The following BMPR1B variants were observed in gnomAD, a reference collection of about 807,000 sequenced individuals.
BMPR1B encodes the protein bone morphogenetic protein receptor type-1B.
BMPR1B carries 12 observed loss-of-function variants against 59.1 expected under a neutral mutation model. That is an observed-to-expected ratio of 0.20 (90% confidence interval 0.13 to 0.33). BMPR1B has a LOEUF of 0.33. Among genes scored for constraint, BMPR1B ranks in the 10% least tolerant of loss-of-function variants. BMPR1B has a pLI of 1.00. For synonymous variants in BMPR1B, 237 were observed against 207.3 expected (o/e 1.14, Z -1.23); for missense variants, 550 against 610.9 (o/e 0.90, Z 1.05).
At chr4:94,874,685 C>T (rs894550260) in intron 1 of BMPR1B, among the ~76,000 whole-genome samples, 1 of 151,962 alleles carries the variant, frequency 6.6e-6, no homozygotes, top group Non-Finnish European at 1.5e-5. Flanking sequence ...TATATATTTA[C>T]TCTTAAAATC....
Position 95,026,098 on chromosome 4 carries a change from A to C in BMPR1B, c.-18+29964A>C, listed in dbSNP as rs62316237. ...TTGGCTGGCTGGATTGCTTTCTTTC[A>C]TTTCTTTCTTTCTTTCTTTCTTTCT... On this transcript the variant is annotated intron_variant, in intron 3 of 12. Coordinates refer to ENST00000515059, the MANE Select transcript of BMPR1B (RefSeq NM_001203.3). Among the ~76,000 whole-genome samples the C allele has an allele frequency of 4.2e-3, 432 of 101,718 alleles. 10 individuals carry two copies. In the East Asian group the frequency reaches 0.078, roughly 18 times the overall value. 66.7% of individuals were successfully genotyped at this position (101,718 alleles called of 152,430 possible).
At chr4:94,766,407 CTTTTTTTTT>C (rs33979041) in intron 1 of BMPR1B, among the ~76,000 whole-genome samples, 1 of 133,174 alleles carries the variant, frequency 7.5e-6, no homozygotes, top group Non-Finnish European at 1.6e-5. Flanking sequence ...CGGCTCCTGT[CTTTTTTTTT>C]TTTTTTTTTA....
intron 1 of BMPR1B, among the ~76,000 whole-genome samples, chr4:94,842,970 C>T (rs1000584429): frequency 1.3e-5 from 2 of 151,922 alleles, no homozygotes; most frequent in Non-Finnish European, 2.9e-5. Flanking sequence ...CTGTTTAATA[C>T]CCAGATTTCA....
chr4:94,981,550 C>T (rs1721085596), intron 2 of BMPR1B, among the ~76,000 whole-genome samples: 1 of 152,140 alleles, frequency 6.6e-6, no homozygotes, highest in Non-Finnish European at 1.5e-5. Context: ...TGAAATGTGA[C>T]CAGTACTTCA....
intron 4 of BMPR1B, among the ~76,000 whole-genome samples, chr4:95,106,447 G>A (rs377141468): frequency 1.3e-4 from 20 of 152,162 alleles, no homozygotes; most frequent in African/African-American, 4.8e-4. Flanking sequence ...AGCTAGGGTG[G>A]TGCTGGTGTA....
chr4:95,094,239 A>C (rs1054846504), intron 3 of BMPR1B, among the ~76,000 whole-genome samples: 2 of 152,148 alleles, frequency 1.3e-5, no homozygotes, highest in Non-Finnish European at 2.9e-5. Context: ...GAGATGAAAG[A>C]AAATAAGAAT....
chr4:95,086,386 T>G (rs1427096), intron 3 of BMPR1B, among the ~76,000 whole-genome samples: 152,258 of 152,326 alleles, frequency 1, 76,095 homozygotes, highest in Middle Eastern at 1. Flanking sequence ...ATATGTAATG[T>G]TTTTCTTAAG....
chr4:95,061,389 T>G (rs905173476), intron 3 of BMPR1B, among the ~76,000 whole-genome samples: 1 of 152,190 alleles, frequency 6.6e-6, no homozygotes, highest in African/African-American at 2.4e-5. Context: ...TGCAGCTGTC[T>G]CTAATGTACT....
chr4:94,814,566 A>T (rs1306313365), intron 1 of BMPR1B, among the ~76,000 whole-genome samples: 2 of 152,152 alleles, frequency 1.3e-5, no homozygotes, highest in Non-Finnish European at 2.9e-5. Context: ...TTTCCTTATT[A>T]GTTAACTAGA....
At chr4:95,114,855 A>G (rs770220808) in intron 5 of BMPR1B, 33 bp downstream of exon 5, 17 of 1,535,948 alleles carry the variant, frequency 1.1e-5, no homozygotes, top group East Asian at 4.5e-5. Flanking sequence ...GTAACCTTTC[A>G]TTGGCTAGAT....
chr4:94,988,203 A>G (rs1032664613), intron 2 of BMPR1B, among the ~76,000 whole-genome samples: 8 of 152,228 alleles, frequency 5.3e-5, no homozygotes, highest in Non-Finnish European at 8.8e-5. Flanking sequence ...CCTTCATGTC[A>G]TATAAATATA....
chr4:94,794,620 C>T (rs62316537), intron 1 of BMPR1B, among the ~76,000 whole-genome samples: 33,403 of 128,120 alleles, frequency 0.26, 4,857 homozygotes, highest in African/African-American at 0.37. Context: ...AGTATGGCCA[C>T]TTTCACGATA....
At chr4:94,896,811 C>A (rs1358528433) in intron 2 of BMPR1B, among the ~76,000 whole-genome samples, 2 of 151,868 alleles carry the variant, frequency 1.3e-5, no homozygotes, top group Non-Finnish European at 2.9e-5. Flanking sequence ...CAAAGTAAGA[C>A]CCTATTGTAA....
At chr4:95,151,343 G>A (rs962220559) in intron 11 of BMPR1B, among the ~76,000 whole-genome samples, 5 of 152,116 alleles carry the variant, frequency 3.3e-5, no homozygotes, top group African/African-American at 7.2e-5. Context: ...ATCCACCAGC[G>A]GAAAATAGGA....
At chr4:94,873,101 G>C (rs1429712429) in intron 1 of BMPR1B, among the ~76,000 whole-genome samples, 1 of 152,014 alleles carries the variant, frequency 6.6e-6, no homozygotes, top group East Asian at 1.9e-4. Flanking sequence ...TCCTGGGTCA[G>C]CATTGAGCAA....
intron 3 of BMPR1B, among the ~76,000 whole-genome samples, chr4:95,044,577 T>C (rs1279542517): frequency 2.0e-5 from 3 of 152,188 alleles, no homozygotes; most frequent in Non-Finnish European, 4.4e-5. Context: ...TTCTCTCTTT[T>C]TACCCCTTCC....
intron 3 of BMPR1B, among the ~76,000 whole-genome samples, chr4:95,071,884 G>A (rs1199634579): frequency 6.6e-6 from 1 of 151,608 alleles, no homozygotes; most frequent in African/African-American, 2.4e-5. Flanking sequence ...GTTAATTGGG[G>A]TTCTCCAGAG....
chr4:95,070,226 G>A (rs1259437145), intron 3 of BMPR1B, among the ~76,000 whole-genome samples: 4 of 152,192 alleles, frequency 2.6e-5, no homozygotes, highest in African/African-American at 7.2e-5. Context: ...CGTCAATCAG[G>A]TAAGAAATGA....
intron 1 of BMPR1B, among the ~76,000 whole-genome samples, chr4:94,765,027 C>A (rs1578617432): frequency 6.6e-6 from 1 of 152,116 alleles, no homozygotes; most frequent in Non-Finnish European, 1.5e-5. Flanking sequence ...TACTGAAGAT[C>A]ACAAGCAACT....
Sources: gnomAD v4.1 joint callset for allele counts (sites outside exome capture counted in the v4.1 genomes callset) on GRCh38, gnomAD v4.1.1 for gene constraint, MANE v1.5 for transcripts, NCBI Gene and HGNC (gene_info 2026-07-23, HGNC 2026-07-21) for gene names.